DNM3: variants seen among roughly 807,000 people sequenced by gnomAD.
The protein encoded by DNM3 is dynamin-3.
DNM3 carries 47 observed loss-of-function variants against 101.6 expected under a neutral mutation model. The ratio of observed to expected loss-of-function variants is 0.46; its 90% CI spans 0.37 to 0.59. The LOEUF is 0.59. Among genes scored for constraint, DNM3 ranks in the 20% least tolerant of loss-of-function variants. The probability of loss-of-function intolerance (pLI) is 0.00; values close to 1 mark genes in which losing one functional copy is unlikely to be tolerated. For missense variants in DNM3, 849 were observed against 1,085.7 expected, an observed-to-expected ratio of 0.78 and a Z score of 3.06; for synonymous variants, 385 against 387.9, an observed-to-expected ratio of 0.99 and a Z score of 0.09.
At chr1:172,261,728 G>A (rs1384336188) in intron 15 of DNM3, among the ~76,000 whole-genome samples, 1 of 152,240 alleles carries the variant, frequency 6.6e-6, no homozygotes, top group East Asian at 1.9e-4. Flanking sequence ...GCTGCAAGAG[G>A]TTGGGTGGGC....
chr1:171,882,771 A>G (rs2125132714), intron 1 of DNM3, among the ~76,000 whole-genome samples: 1 of 152,136 alleles, frequency 6.6e-6, no homozygotes, highest in East Asian at 1.9e-4. Context: ...TTATAGACCA[A>G]TCCTTTATTT....
At chr1:171,904,936 G>C (rs1326836757) in intron 1 of DNM3, among the ~76,000 whole-genome samples, 1 of 152,144 alleles carries the variant, frequency 6.6e-6, no homozygotes, top group Non-Finnish European at 1.5e-5. Context: ...CGCTGGACAA[G>C]TGACTACAGG....
At chr1:172,112,611 G>C (rs926862785) in intron 13 of DNM3, among the ~76,000 whole-genome samples, 3 of 152,050 alleles carry the variant, frequency 2.0e-5, no homozygotes, top group African/African-American at 7.2e-5. Flanking sequence ...AATGTCAAAG[G>C]AATTGCTTTT....
intron 16 of DNM3, among the ~76,000 whole-genome samples, chr1:172,315,618 A>G (rs917544533): frequency 1.3e-5 from 2 of 152,248 alleles, no homozygotes; most frequent in Non-Finnish European, 2.9e-5. Flanking sequence ...CAATGCGATC[A>G]ACTGGAAGAA....
intron 12 of DNM3, among the ~76,000 whole-genome samples, chr1:172,092,321 C>T (rs903216858): frequency 2.0e-5 from 3 of 152,230 alleles, no homozygotes; most frequent in Non-Finnish European, 4.4e-5. Context: ...GTTTGTGATG[C>T]GGAGCCATGC....
chr1:171,949,290 G>T (rs1256969600), intron 2 of DNM3, among the ~76,000 whole-genome samples: 1 of 152,172 alleles, frequency 6.6e-6, no homozygotes, highest in African/African-American at 2.4e-5. Context: ...TCCACCAAGG[G>T]TAGGGTGGGG....
At chr1:172,146,637 G>T (rs2057914844) in intron 14 of DNM3, among the ~76,000 whole-genome samples, 1 of 152,008 alleles carries the variant, frequency 6.6e-6, no homozygotes, top group South Asian at 2.1e-4. Context: ...ATTATATGTG[G>T]ATACCAACTC....
chr1:172,081,756 TG>T, intron 11 of DNM3, 75 bp from the exon 12 acceptor site: 1 of 1,167,372 alleles, frequency 8.6e-7, no homozygotes, highest in Non-Finnish European at 1.2e-6. Context: ...GTAATTAATT[TG>T]TGGGCAATTA....
intron 17 of DNM3, among the ~76,000 whole-genome samples, chr1:172,349,277 C>A (rs529292843): frequency 6.6e-6 from 1 of 152,174 alleles, no homozygotes. Context: ...CCTCAACTTC[C>A]TCATGTGTAA....
At chr1:172,083,396 C>T (rs1389600743) in intron 12 of DNM3, among the ~76,000 whole-genome samples, 1 of 152,208 alleles carries the variant, frequency 6.6e-6, no homozygotes, top group African/African-American at 2.4e-5. Flanking sequence ...ATTTTCCTCA[C>T]TGCTTCTCTG....
At position 172,290,916 on chromosome 1, in the gene DNM3, A is replaced by C. The variant is rs182381094; in HGVS notation, c.1770-17812A>C. Among the ~76,000 whole-genome samples the C allele has an allele frequency of 2.8e-3, 420 of 152,312 alleles. 1 individual carries two copies. The highest frequency in any genetic ancestry group is 9.5e-3 in the African/African-American group (394 of 41,570). ...AAGAAGCTGTAGTCAGTGAGGTAGC[A>C]GTGTGGGAGTCAGGCGGGTGTGATA... On this transcript the variant is annotated intron_variant, in intron 15 of 20. Transcript: ENST00000627582.
intron 14 of DNM3, 87 bp from the exon 15 acceptor site, chr1:172,253,486 C>T: frequency 1.1e-6 from 1 of 875,156 alleles, no homozygotes; most frequent in Non-Finnish European, 1.7e-6. Flanking sequence ...AGTCAATTTT[C>T]TGTCTCTCCT....
chr1:171,949,147 A>G (rs889825406), intron 2 of DNM3, among the ~76,000 whole-genome samples: 1 of 152,206 alleles, frequency 6.6e-6, no homozygotes, highest in African/African-American at 2.4e-5. Flanking sequence ...TTTTAAATAT[A>G]AGTAAAATAT....
intron 15 of DNM3, among the ~76,000 whole-genome samples, chr1:172,285,164 G>A (rs1333973078): frequency 6.6e-6 from 1 of 152,170 alleles, no homozygotes; most frequent in Non-Finnish European, 1.5e-5. Flanking sequence ...TGCCACTGAA[G>A]TGCATGATTT....
chr1:172,322,617 T>C (rs1373006765), intron 16 of DNM3, among the ~76,000 whole-genome samples: 1 of 152,200 alleles, frequency 6.6e-6, no homozygotes, highest in Non-Finnish European at 1.5e-5. Context: ...TTTTTGTGAC[T>C]AACCTTTCCA....
At chr1:172,278,044 T>C (rs2063352286) in intron 15 of DNM3, among the ~76,000 whole-genome samples, 1 of 152,156 alleles carries the variant, frequency 6.6e-6, no homozygotes, top group Admixed American at 6.6e-5. Context: ...CCTCTCTGCC[T>C]TTCCTGATGT....
At chr1:172,238,380 C>T (rs2061620987) in intron 14 of DNM3, among the ~76,000 whole-genome samples, 2 of 152,060 alleles carry the variant, frequency 1.3e-5, no homozygotes, top group South Asian at 4.1e-4. Context: ...AGAACCTCAC[C>T]CCTACTAATT....
chr1:171,861,372 C>T (rs990450579), intron 1 of DNM3, among the ~76,000 whole-genome samples: 4 of 152,112 alleles, frequency 2.6e-5, no homozygotes, highest in East Asian at 1.9e-4. Context: ...CAGTGTAATA[C>T]TGGTGTAAAT....
At chr1:172,011,837 C>T in intron 4 of DNM3, among the ~76,000 whole-genome samples, 1 of 151,982 alleles carries the variant, frequency 6.6e-6, no homozygotes, top group Non-Finnish European at 1.5e-5. Flanking sequence ...TGATAAATTT[C>T]TCATGTGAAC....
Sources: allele counts gnomAD v4.1 joint callset (sites outside exome capture counted in the v4.1 genomes callset), GRCh38; gene constraint gnomAD v4.1.1; transcripts MANE v1.5; gene names NCBI Gene and HGNC (gene_info 2026-07-23, HGNC 2026-07-21).